SYT17: variants seen among roughly 807,000 people sequenced by gnomAD.
The protein encoded by SYT17 is synaptotagmin-17.
SYT17 carries 22 observed loss-of-function variants against 46.7 expected under a neutral mutation model. That is an observed-to-expected ratio of 0.47 (90% CI 0.34 to 0.67). The LOEUF is 0.67. Ranked by LOEUF, SYT17 falls within the 30% of genes least tolerant of loss-of-function variation. SYT17 has a pLI of 0.01. For synonymous variants in SYT17, 251 were observed against 248.4 expected (o/e 1.01, Z -0.10); for missense variants, 519 against 612.8 (o/e 0.85, Z 1.62).
At chr16:19,203,965 C>T (rs1438710964) in intron 5 of SYT17, among the ~76,000 whole-genome samples, 1 of 152,210 alleles carries the variant, frequency 6.6e-6, no homozygotes, top group East Asian at 1.9e-4. Flanking sequence ...TGAAAAGCCT[C>T]AGGCCAGGCC....
At chr16:19,179,718 G>A (rs1372184635) in intron 3 of SYT17, among the ~76,000 whole-genome samples, 7 of 152,144 alleles carry the variant, frequency 4.6e-5, no homozygotes, top group Admixed American at 3.3e-4. Context: ...CAGCCCCAGC[G>A]GTTCTCTCAA....
intron 4 of SYT17, among the ~76,000 whole-genome samples, chr16:19,181,334 A>G (rs1006563783): frequency 6.6e-6 from 1 of 152,172 alleles, no homozygotes; most frequent in African/African-American, 2.4e-5. Flanking sequence ...CTGCTCCACA[A>G]AAGTATCTCT....
At position 19,168,694 on chromosome 16, in the gene SYT17, G is replaced by A. The variant is rs1398521236; in HGVS notation, c.15+33G>A. ...TGAGGCTGGGGGCAAGGTCCGGGGT[G>A]CGGGTAGGGGGTGCCGCGCCCCCTC... On this transcript the variant is annotated intron_variant, in intron 1 of 7. Transcript: ENST00000355377. This position sits in a 1 kb window ranked among gnomAD's most constrained non-coding sequence, Gnocchi z 6.9. 1.1e-5 allele frequency: 16 copies of A among 1,483,118 alleles called. No homozygotes were observed. The highest frequency in any genetic ancestry group is 1.4e-5 in the Non-Finnish European group (16 of 1,113,028). 91.9% of individuals were successfully genotyped at this position (1,483,118 alleles called of 1,614,324 possible).
intron 5 of SYT17, among the ~76,000 whole-genome samples, chr16:19,216,002 G>C (rs1966083083): frequency 6.6e-6 from 1 of 152,034 alleles, no homozygotes; most frequent in Admixed American, 6.6e-5. Flanking sequence ...GAACAACATG[G>C]GAAAGACTTG....
chr16:19,172,014 G>A (rs1964114560), intron 1 of SYT17: 2 of 152,490 alleles, frequency 1.3e-5, no homozygotes, highest in Admixed American at 1.3e-4. Context: ...CTGAGTTTGA[G>A]TCCCACCTCA....
At chr16:19,203,468 TAAG>T (rs1965547141) in intron 5 of SYT17, among the ~76,000 whole-genome samples, 1 of 152,212 alleles carries the variant, frequency 6.6e-6, no homozygotes, top group Non-Finnish European at 1.5e-5. Flanking sequence ...CATAATGTGA[TAAG>T]AAGCAAGGTG....
At position 19,224,980 on chromosome 16, in the gene SYT17, A is replaced by G. The variant is rs550764961; in HGVS notation, c.1228+142A>G. On this transcript the variant is annotated intron_variant, in intron 7 of 7. Transcript: ENST00000355377. ...CTACCTGGGTTTGAACCCACTTAAC[A>G]TCTATGAACTGGGGCAGGACTCATA... 44 of 894,122 alleles carry G rather than the reference A, an allele frequency of 4.9e-5. No homozygotes were observed. The East Asian group carries it at 1.1e-3, about 23-fold the overall frequency. The allele number at this position is 894,122 out of a possible 1,614,324, so 55.4% of individuals were successfully genotyped here. A position where few individuals can be genotyped will look rare whatever the true frequency, so the allele number is the denominator to read the frequency against.
intron 5 of SYT17, among the ~76,000 whole-genome samples, chr16:19,196,971 C>T (rs1236346568): frequency 6.6e-6 from 1 of 152,210 alleles, no homozygotes; most frequent in Non-Finnish European, 1.5e-5. Flanking sequence ...GCCTTGTCAG[C>T]TGCCAAAAAC....
intron 5 of SYT17, among the ~76,000 whole-genome samples, chr16:19,199,766 T>C (rs1965390767): frequency 6.6e-6 from 1 of 150,944 alleles, no homozygotes; most frequent in African/African-American, 2.4e-5. Context: ...CAAAAAAGGA[T>C]GATATTGATA....
chr16:19,247,223 A>G (rs1337824320), intron 7 of SYT17, among the ~76,000 whole-genome samples: 2 of 152,196 alleles, frequency 1.3e-5, no homozygotes, highest in Non-Finnish European at 1.5e-5. Flanking sequence ...TCAGTCAATT[A>G]GTTGAAGAGT....
intron 5 of SYT17, among the ~76,000 whole-genome samples, chr16:19,204,375 G>A (rs963093400): frequency 2.0e-5 from 3 of 152,098 alleles, no homozygotes; most frequent in Non-Finnish European, 4.4e-5. Context: ...TTTTGGACAG[G>A]CATGGGGGGC....
chr16:19,168,009 G>T (rs1963935285), upstream of SYT17: 1 of 152,418 alleles, frequency 6.6e-6, no homozygotes, highest in Non-Finnish European at 1.5e-5. The surrounding 1 kb of genome is among the most constrained non-coding windows in gnomAD (Gnocchi z 6.9). Flanking sequence ...GGCGCGTCGG[G>T]TGGGGCGGGA....
At chr16:19,261,433 G>A (rs1477137667) in intron 7 of SYT17, among the ~76,000 whole-genome samples, 1 of 152,248 alleles carries the variant, frequency 6.6e-6, no homozygotes, top group African/African-American at 2.4e-5. Context: ...CAAGGGCCAA[G>A]TGATTCACCA....
intron 5 of SYT17, among the ~76,000 whole-genome samples, chr16:19,193,430 A>G (rs1425998430): frequency 1.3e-5 from 2 of 152,224 alleles, no homozygotes; most frequent in Non-Finnish European, 2.9e-5. Context: ...CTGGATATTT[A>G]TGTTTCCGAA....
Position 19,172,663 on chromosome 16 carries a change from G to C in SYT17, c.16-97G>C, listed in dbSNP as rs187865952. On this transcript the variant is annotated intron_variant, in intron 1 of 7. Transcript: ENST00000355377. ...TTTTTTTTTTTTGTAAAATTTTTTT[G>C]AGTTGCTGGAATATTGCTAAACTGG... is the stretch of plus-strand genomic sequence containing the variant. The C allele has an allele frequency of 1.8e-3, 2,627 of 1,500,104 alleles. 5 individuals carry two copies. Among genetic ancestry groups the C allele is most frequent in the Non-Finnish European group, 2.0e-3 (2,304 of 1,131,626 alleles). 92.9% of individuals were successfully genotyped at this position (1,500,104 alleles called of 1,614,324 possible).
intron 5 of SYT17, among the ~76,000 whole-genome samples, chr16:19,194,719 C>T (rs375865470): frequency 2.2e-4 from 33 of 152,298 alleles, no homozygotes; most frequent in South Asian, 8.3e-4. Context: ...CTCAGCCTTC[C>T]AAGGAGCTTG....
At chr16:19,169,105 G>C (rs969670150) in intron 1 of SYT17, among the ~76,000 whole-genome samples, 15 of 152,086 alleles carry the variant, frequency 9.9e-5, no homozygotes, top group Admixed American at 3.9e-4. Flanking sequence ...GTTCCGACCA[G>C]GAGGGACAAG....
chr16:19,262,965 C>T (rs1168133839), intron 7 of SYT17, among the ~76,000 whole-genome samples: 1 of 152,204 alleles, frequency 6.6e-6, no homozygotes, highest in Admixed American at 6.5e-5. Context: ...CTTGCCATTT[C>T]CCGTTTTTCA....
chr16:19,236,061 CA>C (rs1020069083), intron 7 of SYT17, among the ~76,000 whole-genome samples: 2 of 152,182 alleles, frequency 1.3e-5, no homozygotes, highest in African/African-American at 4.8e-5. Flanking sequence ...CGACTCACCC[CA>C]GACAACCCCT....
Sources: gnomAD v4.1 joint callset for allele counts (sites outside exome capture counted in the v4.1 genomes callset) on GRCh38, gnomAD v4.1.1 for gene constraint, Gnocchi (gnomAD v3.1) non-coding constraint, MANE v1.5 for transcripts, NCBI Gene and HGNC (gene_info 2026-07-23, HGNC 2026-07-21) for gene names.